ZNF510: variants seen among roughly 807,000 people sequenced by gnomAD.
ZNF510 encodes zinc finger protein 510.
Under a neutral mutation model 18.1 loss-of-function variants are expected in ZNF510, and 15 were observed. The observed-to-expected ratio is 0.83, with a 90% CI of 0.55 to 1.28. The LOEUF is 1.28. Among genes scored for constraint, ZNF510 ranks in the 50% most tolerant of loss-of-function variants. ZNF510 has a pLI of 0.00. For missense variants in ZNF510, 724 were observed against 791.8 expected (o/e 0.91, Z 1.03); for synonymous variants, 261 against 266.4 (o/e 0.98, Z 0.20).
At position 96,759,400 on chromosome 9, in the gene ZNF510, C is replaced by T. The variant is rs1376948064; in HGVS notation, c.1430G>A (p.Gly477Glu). 1 of 1,613,918 alleles carries T rather than the reference C, an allele frequency of 6.2e-7. No homozygotes were observed. Among genetic ancestry groups the T allele is most frequent in the Non-Finnish European group, 8.5e-7 (1 of 1,179,958 alleles). The change falls in exon 6 of 6, where the codon GGA becomes GAA. Residue 477 changes from glycine to glutamate, a missense_variant. By Grantham distance (98) the Gly-to-Glu change is moderately conservative (BLOSUM62 -2). Coordinates refer to ENST00000223428, the MANE Select transcript of ZNF510 (RefSeq NM_014930.3). The part of the protein sequence containing the change: ...KTFVQKSTLR[G>E]HQRIHTGEKP... ...TTCTCCTGTGTGAATTCTTTGATGT[C>T]CCCTGAGGGTTGACTTCTGGACAAA...
intron 4 of ZNF510, 36 bp from the exon 5 acceptor site, chr9:96,763,249 T>G: frequency 6.3e-7 from 1 of 1,599,644 alleles, no homozygotes; most frequent in South Asian, 1.1e-5. Flanking sequence ...TTAGACCAGA[T>G]ATATGAGATT....
chr9:96,771,765 T>C (rs1056754870), intron 3 of ZNF510, among the ~76,000 whole-genome samples: 1 of 152,160 alleles, frequency 6.6e-6, no homozygotes, highest in Non-Finnish European at 1.5e-5. Context: ...GTAAAATGCC[T>C]AGGTATAAGA....
At chr9:96,769,160 T>C (rs10978892) in intron 3 of ZNF510, among the ~76,000 whole-genome samples, 9,027 of 152,134 alleles carry the variant, frequency 0.059, 885 homozygotes, top group African/African-American at 0.2. Flanking sequence ...AACAGCCAGG[T>C]GTGGTGCCTC....
In ZNF510 at chr9:96,754,723, G is replaced by A. The variant is rs115158059; in HGVS notation, c.*4055C>T. Among the ~76,000 whole-genome samples, 5,636 of 152,142 alleles carry A rather than the reference G, an allele frequency of 0.037. 346 individuals are homozygous for A. The highest frequency in any genetic ancestry group is 0.13 in the African/African-American group (5,288 of 41,456). ...ACCTATTTATAATAATCACCCAAAA[G>A]ATAACTTGGAACATCAAAAGGAAAA... On this transcript the variant is annotated 3_prime_UTR_variant, in exon 6 of 6. Transcript: ENST00000223428.
At chr9:96,762,257 C>T (rs1483273450) in intron 5 of ZNF510, among the ~76,000 whole-genome samples, 1 of 149,608 alleles carries the variant, frequency 6.7e-6, no homozygotes, top group South Asian at 2.1e-4. Context: ...TGCCTGTAAT[C>T]CCAGCACTTT....
At chr9:96,763,762 A>T in intron 3 of ZNF510, 130 bp from the exon 4 acceptor site, 1 of 896,188 alleles carries the variant, frequency 1.1e-6, no homozygotes, top group East Asian at 2.9e-5. Flanking sequence ...CCTATTTTGA[A>T]TCTAATTTAA....
At chr9:96,770,356 G>A (rs1022478772) in intron 3 of ZNF510, among the ~76,000 whole-genome samples, 4 of 151,800 alleles carry the variant, frequency 2.6e-5, no homozygotes, top group Non-Finnish European at 4.4e-5. Flanking sequence ...TTGGGAAGCT[G>A]AGGTGGGCGG....
At chr9:96,761,694 T>C (rs767182503) in intron 5 of ZNF510, among the ~76,000 whole-genome samples, 25 of 152,210 alleles carry the variant, frequency 1.6e-4, no homozygotes, top group Non-Finnish European at 2.9e-4. Flanking sequence ...TAAAATGTCA[T>C]TGAATTTTGC....
intron 3 of ZNF510, among the ~76,000 whole-genome samples, chr9:96,764,561 C>T (rs953787281): frequency 6.6e-6 from 1 of 152,070 alleles, no homozygotes; most frequent in Non-Finnish European, 1.5e-5. Context: ...CCATCAGAGA[C>T]CTTATGATTG....
intron 5 of ZNF510, 87 bp from the exon 6 acceptor site, chr9:96,760,564 ATTAT>A: frequency 8.4e-7 from 1 of 1,185,422 alleles, no homozygotes; most frequent in East Asian, 2.4e-5. Flanking sequence ...GTTGCACCTA[ATTAT>A]TTGATTTATC....
chr9:96,769,574 GA>G (rs1210246293), intron 3 of ZNF510, among the ~76,000 whole-genome samples: 3 of 150,628 alleles, frequency 2.0e-5, no homozygotes, highest in Admixed American at 6.6e-5. Flanking sequence ...TGATACCAAA[GA>G]AAAAAAAATT....
chr9:96,765,194 C>T (rs1050694309), intron 3 of ZNF510, among the ~76,000 whole-genome samples: 2 of 152,184 alleles, frequency 1.3e-5, no homozygotes, highest in Non-Finnish European at 2.9e-5. Context: ...GAAGATACAA[C>T]AAATCAAAAT....
intron 3 of ZNF510, among the ~76,000 whole-genome samples, chr9:96,772,189 A>G (rs1849597432): frequency 6.6e-6 from 1 of 152,178 alleles, no homozygotes; most frequent in Admixed American, 6.5e-5. Context: ...TTTCTAACAA[A>G]TGGTGCTAGA....
intron 3 of ZNF510, 101 bp from the exon 4 acceptor site, chr9:96,763,733 T>A: frequency 8.8e-7 from 1 of 1,134,734 alleles, no homozygotes; most frequent in Non-Finnish European, 1.2e-6. Flanking sequence ...CTAAAAAGCT[T>A]AAACGAATGT....
At chr9:96,760,998 T>C (rs754241932) in intron 5 of ZNF510, among the ~76,000 whole-genome samples, 14 of 152,168 alleles carry the variant, frequency 9.2e-5, no homozygotes, top group Non-Finnish European at 1.8e-4. Context: ...CAATTTGATA[T>C]CCCTCATCAA....
At position 96,760,415 on chromosome 9, in the gene ZNF510, G is replaced by A; in HGVS notation, c.415C>T (p.Gln139Ter). The A allele has an allele frequency of 6.2e-7, 1 of 1,612,722 alleles. No individual in the cohort carries two copies. ...GTTTTATTATTGATACATATTGCTTGCTCCAAGTGTTTGTCTTTGATTTTC... is the reference window on the plus strand; with the variant it reads ...GTTTTATTATTGATACATATTGCTTACTCCAAGTGTTTGTCTTTGATTTTC... ...NKKIKDKHLE[Q>*]AICINNKTLT... Residue 139 changes from glutamine to a stop codon, truncating the protein, a stop_gained, in exon 6 of 6, where the codon CAA becomes TAA. Coordinates refer to ENST00000223428, the MANE Select transcript of ZNF510 (RefSeq NM_014930.3). LOFTEE classifies it low-confidence loss of function (END_TRUNC).
In ZNF510 at chr9:96,774,849, G is replaced by C. The variant is rs773809468; in HGVS notation, c.71-3C>G. 2 of 1,613,758 alleles carry C rather than the reference G, an allele frequency of 1.2e-6. No individual in the cohort carries two copies. The highest frequency in any genetic ancestry group is 3.3e-5 in the Admixed American group (2 of 59,988). On this transcript the variant is annotated splice_region_variant and splice_polypyrimidine_tract_variant and intron_variant, in intron 2 of 5. Coordinates refer to ENST00000223428, the MANE Select transcript of ZNF510 (RefSeq NM_014930.3). ...TGTGGAGAACCGTAAAGGATAACCT[G>C]GGGGTGAGGAAGGAGTCATGAGAGA...
In ZNF510 at chr9:96,760,022, C is replaced by T; in HGVS notation, c.808G>A (p.Val270Ile). Residue 270 changes from valine to isoleucine, a missense_variant, in exon 6 of 6, where the codon GTT (valine) becomes ATT (isoleucine). Transcript: ENST00000223428. ...CCTGTGTGAGAACTGTTATGTTTAACACAGTTAGCCTTATCATTAAAGGCT... is the reference window on the plus strand; with the variant it reads ...CCTGTGTGAGAACTGTTATGTTTAATACAGTTAGCCTTATCATTAAAGGCT... Reference protein sequence around the residue: ...GKAFNDKANCVKHNSSHTGET... With the variant: ...GKAFNDKANCIKHNSSHTGET... 6.2e-7 allele frequency: 1 copy of T among 1,612,824 alleles called. No homozygotes were observed. Among genetic ancestry groups the T allele is most frequent in the Non-Finnish European group, 8.5e-7 (1 of 1,179,802 alleles).
chr9:96,754,590 T>A lies in ZNF510; in HGVS notation c.*4188A>T, dbSNP rs141785424. On this transcript the variant is annotated 3_prime_UTR_variant, in exon 6 of 6. Transcript: ENST00000223428. ...ATCTCAATTTATTGAAAATACATGT[T>A]TTGGTTGACAAAGATCTGAAGAACA... is the stretch of plus-strand genomic sequence containing the variant. Among the ~76,000 whole-genome samples, 39 of 152,340 alleles carry A rather than the reference T, an allele frequency of 2.6e-4. No homozygotes were observed. Among genetic ancestry groups the A allele is most frequent in the African/African-American group, 8.9e-4 (37 of 41,586 alleles).
Sources: gnomAD v4.1 joint callset for allele counts (sites outside exome capture counted in the v4.1 genomes callset) on GRCh38, gnomAD v4.1.1 for gene constraint, MANE v1.5 for transcripts, NCBI Gene and HGNC (gene_info 2026-07-23, HGNC 2026-07-21) for gene names.